IQSEC1: variants seen among roughly 807,000 people sequenced by gnomAD.
IQSEC1 encodes IQ motif and SEC7 domain-containing protein 1.
IQSEC1 carries 31 observed loss-of-function variants against 91.0 expected under a neutral mutation model. That is an observed-to-expected ratio of 0.34 (90% CI 0.26 to 0.46). The LOEUF is 0.46. Among genes scored for constraint, IQSEC1 ranks in the 20% least tolerant of loss-of-function variants. The pLI, the probability that IQSEC1 is intolerant of heterozygous loss-of-function variation, is 1.00. For synonymous variants in IQSEC1, 699 were observed against 662.6 expected (o/e 1.05, Z -0.84); for missense variants, 1,388 against 1,575.6 (o/e 0.88, Z 2.02).
At chr3:13,013,590 G>T (rs766143108) in intron 1 of IQSEC1, among the ~76,000 whole-genome samples, 2 of 152,068 alleles carry the variant, frequency 1.3e-5, no homozygotes, top group Non-Finnish European at 2.9e-5. Flanking sequence ...ACAACCAACC[G>T]CTTACCCCTC....
At chr3:13,011,602 G>A (rs1384370245) in intron 1 of IQSEC1, among the ~76,000 whole-genome samples, 1 of 152,182 alleles carries the variant, frequency 6.6e-6, no homozygotes, top group Non-Finnish European at 1.5e-5. Flanking sequence ...GGCCAGCTTC[G>A]AAGTCTTTTT....
At chr3:13,225,432 T>C (rs1204049364) in intron 1 of IQSEC1, among the ~76,000 whole-genome samples, 1 of 152,242 alleles carries the variant, frequency 6.6e-6, no homozygotes, top group Non-Finnish European at 1.5e-5. Flanking sequence ...GATTCTGTTA[T>C]GATTTGGGCC....
In IQSEC1 at chr3:12,967,736, G is replaced by T. The variant is rs1413368328; in HGVS notation, c.24-25871C>A. On this transcript the variant is annotated intron_variant, in intron 1 of 13. Transcript: ENST00000613206. This position sits in a 1 kb window ranked among gnomAD's most constrained non-coding sequence, Gnocchi z 5.9. ...GAGGAATGTGGCCCTGAAGTGGGCG[G>T]GGCAGGGCGGGGGCGGGGCCGGAGG... 4 of 1,063,914 alleles carry T rather than the reference G, an allele frequency of 3.8e-6. No individual in the cohort carries two copies. Among genetic ancestry groups the T allele is most frequent in the Non-Finnish European group, 2.3e-6 (2 of 880,378 alleles). 65.9% of individuals were successfully genotyped at this position (1,063,914 alleles called of 1,614,324 possible). A position where few individuals can be genotyped will look rare whatever the true frequency, so the allele number is the denominator to read the frequency against.
rs986733209 is a variant in IQSEC1, at chr3:13,103,941, T to C, written c.303-56419A>G. Among the ~76,000 whole-genome samples the C allele has an allele frequency of 2.0e-5, 3 of 152,182 alleles. No individual in the cohort carries two copies. The highest frequency in any genetic ancestry group is 1.3e-4 in the Admixed American group (2 of 15,288). ...TTCTTCTATTTAATCTTCACGGCAC[T>C]CCCTGAGGTGGGTGCTACTAGTATC... On this transcript the variant is annotated intron_variant, in intron 2 of 15. Coordinates refer to the IQSEC1 transcript ENST00000648114. The surrounding 1 kb of genome is among the most constrained non-coding windows in gnomAD (Gnocchi z 4.1).
intron 1 of IQSEC1, among the ~76,000 whole-genome samples, chr3:12,993,599 G>C (rs1559705884): frequency 6.6e-6 from 1 of 152,208 alleles, no homozygotes; most frequent in African/African-American, 2.4e-5. Flanking sequence ...CTGATGAAGA[G>C]ATGGAGCACC....
rs371980046 is a variant in IQSEC1, at chr3:12,920,473, G to C, written c.1977C>G (p.Pro659=). The part of the protein sequence containing the change: ...NTDMYSPNVK[P]ERKMKLEDFI... ...AGTCCTCTAGCTTCATTTTCCGCTC[G>C]GGCTTGACATTGGGGCTGTACATGT... The change falls in exon 6 of 14, where the codon CCC becomes CCG. Residue 659 remains proline, a synonymous_variant. Coordinates refer to ENST00000613206, the MANE Select transcript of IQSEC1 (RefSeq NM_001134382.3). The C allele has an allele frequency of 1.2e-6, 2 of 1,614,200 alleles. No individual in the cohort carries two copies. Among genetic ancestry groups the C allele is most frequent in the Non-Finnish European group, 1.7e-6 (2 of 1,180,024 alleles).
At chr3:12,960,296 T>A (rs866492456) in intron 1 of IQSEC1, 68 of 152,344 alleles carry the variant, frequency 4.5e-4, no homozygotes, top group African/African-American at 1.6e-3. Context: ...TTCCTGGGGC[T>A]GGCGAACATG....
chr3:13,213,420 T>C (rs1317451724), intron 1 of IQSEC1, among the ~76,000 whole-genome samples: 1 of 152,226 alleles, frequency 6.6e-6, no homozygotes, highest in African/African-American at 2.4e-5. Flanking sequence ...TGATGACTGT[T>C]GGTTTATAGT....
intron 2 of IQSEC1, among the ~76,000 whole-genome samples, chr3:13,110,958 C>G (rs1706235624): frequency 6.6e-6 from 1 of 152,148 alleles, no homozygotes; most frequent in Non-Finnish European, 1.5e-5. Flanking sequence ...CAGCTGTCAC[C>G]CCCATAAGAA....
Position 12,983,867 on chromosome 3 carries a change from C to T in IQSEC1, c.24-42002G>A, listed in dbSNP as rs1701592455. Among the ~76,000 whole-genome samples the T allele has an allele frequency of 6.6e-6, 1 of 151,878 alleles. No individual in the cohort carries two copies. The highest frequency in any genetic ancestry group is 2.4e-5 in the African/African-American group (1 of 41,152). ...TATTTGTGGATGAAATGAATATGCC[C>T]AGCTCATGTATGTCCCTGTCCCCAA... On this transcript the variant is annotated intron_variant, in intron 1 of 13. Transcript: ENST00000613206. This position sits in a 1 kb window ranked among gnomAD's most constrained non-coding sequence, Gnocchi z 4.3.
At chr3:12,939,490 T>C (rs1170627074) in intron 2 of IQSEC1, among the ~76,000 whole-genome samples, 3 of 152,222 alleles carry the variant, frequency 2.0e-5, no homozygotes, top group Admixed American at 6.5e-5. Context: ...ATGGACTCTG[T>C]GTTATCCAGA....
intron 1 of IQSEC1, among the ~76,000 whole-genome samples, chr3:13,234,985 G>A (rs770053511): frequency 3.0e-4 from 45 of 152,310 alleles, no homozygotes; most frequent in Non-Finnish European, 5.0e-4. Context: ...ATGGGTGCAG[G>A]AGAGGTGGAT....
At chr3:13,166,164 G>A (rs1041371180) in intron 1 of IQSEC1, among the ~76,000 whole-genome samples, 1 of 152,236 alleles carries the variant, frequency 6.6e-6, no homozygotes, top group Non-Finnish European at 1.5e-5. Flanking sequence ...AGCATTTGCT[G>A]TCTTCAGCTC....
chr3:12,975,858 C>T (rs1371076735), intron 1 of IQSEC1, among the ~76,000 whole-genome samples: 7 of 152,250 alleles, frequency 4.6e-5, no homozygotes, highest in Non-Finnish European at 4.4e-5. Context: ...TTCCATCTGA[C>T]CTTCAAGGCC....
intron 1 of IQSEC1, among the ~76,000 whole-genome samples, chr3:13,196,128 C>T (rs1019981541): frequency 3.3e-5 from 5 of 152,188 alleles, no homozygotes; most frequent in African/African-American, 9.7e-5. Flanking sequence ...GGGACACTCA[C>T]GCTTTGAACC....
At chr3:13,172,032 A>G (rs1157733891) in intron 1 of IQSEC1, among the ~76,000 whole-genome samples, 3 of 152,242 alleles carry the variant, frequency 2.0e-5, no homozygotes, top group African/African-American at 7.2e-5. Flanking sequence ...GAGTCTAAGC[A>G]GGCCCCACAG....
Position 12,924,700 on chromosome 3 carries a change from A to G in IQSEC1, c.1611T>C (p.Phe537=). 6.2e-7 allele frequency: 1 copy of G among 1,607,118 alleles called. No homozygotes were observed. The highest frequency in any genetic ancestry group is 1.7e-5 in the Admixed American group (1 of 59,376). ...KGVQYLIERG[F]VPDTPVGVAH... ...CCACCCCGACGGGCGTGTCGGGCAC[A>G]AAGCCACGCTCGATGAGGTACTGGA... The change falls in exon 4 of 14, where the codon TTT becomes TTC. Residue 537 remains phenylalanine (F), a synonymous_variant. Coordinates refer to ENST00000613206, the MANE Select transcript of IQSEC1 (RefSeq NM_001134382.3). The surrounding 1 kb of genome is among the most constrained non-coding windows in gnomAD (Gnocchi z 6.3).
chr3:13,017,899 A>C (rs1296036058), intron 1 of IQSEC1, among the ~76,000 whole-genome samples: 1 of 152,112 alleles, frequency 6.6e-6, no homozygotes, highest in Admixed American at 6.5e-5. Context: ...GCCCATCCCA[A>C]ACTCAGCTCT....
intron 1 of IQSEC1, among the ~76,000 whole-genome samples, chr3:13,173,064 A>T (rs900823325): frequency 1.3e-5 from 2 of 152,164 alleles, no homozygotes; most frequent in Non-Finnish European, 2.9e-5. Context: ...AAACCAGCTG[A>T]CGTTTTGAGT....
Sources: gnomAD v4.1 joint callset for allele counts (sites outside exome capture counted in the v4.1 genomes callset) on GRCh38, gnomAD v4.1.1 for gene constraint, Gnocchi (gnomAD v3.1) non-coding constraint, MANE v1.5 for transcripts, NCBI Gene and HGNC (gene_info 2026-07-23, HGNC 2026-07-21) for gene names.